The following MICU2 variants were observed in gnomAD, a reference collection of about 807,000 sequenced individuals.
The protein encoded by MICU2 is calcium uptake protein 2, mitochondrial.
In MICU2, 64 loss-of-function variants were observed where a neutral mutation model predicts 60.4. That is an observed-to-expected ratio of 1.06 (90% CI 0.87 to 1.31). MICU2 has a LOEUF of 1.31. Among genes scored for constraint, MICU2 ranks in the 50% most tolerant of loss-of-function variants. The pLI is 0.00. For synonymous variants in MICU2, 201 were observed against 175.0 expected (o/e 1.15, Z -1.17); for missense variants, 569 against 531.0 (o/e 1.07, Z -0.70).
At chr13:21,519,213 C>T (rs762913100) in intron 6 of MICU2, among the ~76,000 whole-genome samples, 7 of 152,114 alleles carry the variant, frequency 4.6e-5, no homozygotes, top group Admixed American at 2.0e-4. Flanking sequence ...TACGCCACCA[C>T]GCCCGGCTAA....
At chr13:21,598,828 C>T (rs1888753424) in intron 1 of MICU2, among the ~76,000 whole-genome samples, 2 of 152,078 alleles carry the variant, frequency 1.3e-5, no homozygotes, top group South Asian at 4.1e-4. Context: ...TTTGGATTTG[C>T]CAATATATGA....
intron 6 of MICU2, among the ~76,000 whole-genome samples, chr13:21,520,273 AG>A (rs1886684193): frequency 6.6e-6 from 1 of 152,224 alleles, no homozygotes. Flanking sequence ...ATTAATATAC[AG>A]GTCTTGGGTG....
chr13:21,541,309 C>T (rs542227938), intron 2 of MICU2, among the ~76,000 whole-genome samples: 159 of 152,096 alleles, frequency 1.0e-3, no homozygotes, highest in African/African-American at 3.6e-3. Flanking sequence ...ATGTTTGCTT[C>T]CCTCCAGCTA....
At chr13:21,579,491 C>T (rs1174716131) in intron 1 of MICU2, among the ~76,000 whole-genome samples, 1 of 152,086 alleles carries the variant, frequency 6.6e-6, no homozygotes. Context: ...CAGGCTCCCG[C>T]CACCACGCCA....
At chr13:21,577,856 A>G (rs893945245) in intron 1 of MICU2, among the ~76,000 whole-genome samples, 2 of 150,464 alleles carry the variant, frequency 1.3e-5, no homozygotes, top group Non-Finnish European at 3.0e-5. Context: ...GCGCACACCT[A>G]TAGTCCTAGC....
At chr13:21,585,223 C>T (rs1044931511) in intron 1 of MICU2, among the ~76,000 whole-genome samples, 5 of 152,188 alleles carry the variant, frequency 3.3e-5, no homozygotes, top group Admixed American at 3.3e-4. Flanking sequence ...TGATTTTTGA[C>T]TTCCATTTGG....
At chr13:21,513,800 T>C (rs976723500) in intron 7 of MICU2, among the ~76,000 whole-genome samples, 4 of 132,706 alleles carry the variant, frequency 3.0e-5, no homozygotes, top group South Asian at 2.5e-4. Context: ...AAAAGAAGAG[T>C]GTGGAACAAT....
intron 1 of MICU2, among the ~76,000 whole-genome samples, chr13:21,569,697 C>T (rs986545295): frequency 1.3e-5 from 2 of 151,026 alleles, no homozygotes; most frequent in African/African-American, 2.4e-5. Flanking sequence ...ATTATAGTAT[C>T]TAATGTTTAT....
intron 4 of MICU2, among the ~76,000 whole-genome samples, chr13:21,537,297 A>G (rs1593332369): frequency 6.6e-6 from 1 of 152,046 alleles, no homozygotes; most frequent in African/African-American, 2.4e-5. Flanking sequence ...TCTAATCTAC[A>G]ACTACACTGA....
intron 9 of MICU2, among the ~76,000 whole-genome samples, chr13:21,499,010 G>C (rs1364540683): frequency 6.6e-6 from 1 of 152,148 alleles, no homozygotes; most frequent in Non-Finnish European, 1.5e-5. Context: ...GAGTGCAGTG[G>C]CGTGATCTTG....
chr13:21,512,304 T>C (rs996276969), intron 7 of MICU2, among the ~76,000 whole-genome samples: 1 of 152,222 alleles, frequency 6.6e-6, no homozygotes, highest in African/African-American at 2.4e-5. Context: ...TGTTAATCAC[T>C]TTGTGGTTAA....
intron 1 of MICU2, among the ~76,000 whole-genome samples, chr13:21,597,578 G>A (rs891556350): frequency 6.6e-5 from 10 of 152,124 alleles, no homozygotes; most frequent in Non-Finnish European, 7.4e-5. Flanking sequence ...AGAATACAGA[G>A]ATGAAAAAGA....
intron 1 of MICU2, among the ~76,000 whole-genome samples, chr13:21,598,975 C>CTA (rs949052020): frequency 2.0e-5 from 3 of 152,104 alleles, no homozygotes; most frequent in African/African-American, 7.2e-5. Context: ...GTGAAAAGAG[C>CTA]ATTACCACCT....
intron 2 of MICU2, among the ~76,000 whole-genome samples, chr13:21,548,032 T>C (rs1369072932): frequency 6.6e-6 from 1 of 152,200 alleles, no homozygotes; most frequent in Non-Finnish European, 1.5e-5. Flanking sequence ...CACTATAGCA[T>C]TATTTATAAC....
At chr13:21,509,948 CTCTTT>C (rs1886385939) in intron 8 of MICU2, 51 bp downstream of exon 8, 2 of 961,694 alleles carry the variant, frequency 2.1e-6, no homozygotes, top group African/African-American at 3.5e-5. Flanking sequence ...TATTCTGTTT[CTCTTT>C]ATTTCTTACC....
intron 6 of MICU2, among the ~76,000 whole-genome samples, chr13:21,514,989 C>A (rs1433136142): frequency 2.0e-5 from 3 of 152,060 alleles, no homozygotes; most frequent in Non-Finnish European, 4.4e-5. Context: ...TTAGGCAGCA[C>A]TCTATAAGAA....
At chr13:21,603,839 G>T in intron 1 of MICU2, 100 bp downstream of exon 1, 1 of 1,331,164 alleles carries the variant, frequency 7.5e-7, no homozygotes, top group Non-Finnish European at 1.0e-6. Context: ...CTCCACCCAC[G>T]GCTCCGGGAG....
intron 1 of MICU2, among the ~76,000 whole-genome samples, chr13:21,589,931 T>C (rs960076286): frequency 7.2e-5 from 11 of 152,208 alleles, no homozygotes; most frequent in African/African-American, 1.2e-4. Context: ...GCGCTCACCA[T>C]TGTTCCGTCT....
intron 2 of MICU2, among the ~76,000 whole-genome samples, chr13:21,552,536 T>A (rs1887598181): frequency 6.6e-6 from 1 of 152,170 alleles, no homozygotes; most frequent in African/African-American, 2.4e-5. Flanking sequence ...TTGCCTAGGT[T>A]TTCTTCTAGG....
Sources: gnomAD v4.1 joint callset for allele counts (sites outside exome capture counted in the v4.1 genomes callset) on GRCh38, gnomAD v4.1.1 for gene constraint, MANE v1.5 for transcripts, NCBI Gene and HGNC (gene_info 2026-07-23, HGNC 2026-07-21) for gene names.